TRAF3IP1: variants seen among roughly 807,000 people sequenced by gnomAD.
TRAF3IP1 encodes the protein TRAF3-interacting protein 1.
A neutral mutation model predicts 89.9 loss-of-function variants in TRAF3IP1; 53 were observed. That is an observed-to-expected ratio of 0.59 (90% CI 0.47 to 0.74). The LOEUF is 0.74. Ranked by LOEUF, TRAF3IP1 falls within the 30% of genes least tolerant of loss-of-function variation. The probability of loss-of-function intolerance (pLI) is 0.00; values close to 1 mark genes in which losing one functional copy is unlikely to be tolerated. For missense variants in TRAF3IP1, 806 were observed against 866.1 expected (o/e 0.93, Z 0.87); for synonymous variants, 311 against 322.1 (o/e 0.97, Z 0.37).
intron 12 of TRAF3IP1, among the ~76,000 whole-genome samples, chr2:238,350,923 C>G (rs1310375853): frequency 6.6e-6 from 1 of 152,026 alleles, no homozygotes; most frequent in Middle Eastern, 3.4e-3. Flanking sequence ...GGAAGCGCCA[C>G]GGTCATGACC....
intron 15 of TRAF3IP1, among the ~76,000 whole-genome samples, chr2:238,375,858 T>A (rs1700293757): frequency 6.6e-6 from 1 of 152,250 alleles, no homozygotes; most frequent in Non-Finnish European, 1.5e-5. Context: ...ATGTACATGC[T>A]TAATCCACCT....
chr2:238,384,867 C>G (rs1041251061), intron 15 of TRAF3IP1, among the ~76,000 whole-genome samples: 1 of 152,108 alleles, frequency 6.6e-6, no homozygotes, highest in East Asian at 1.9e-4. Context: ...AGGATCGAAA[C>G]TCTGTTTCCT....
At chr2:238,362,716 T>G (rs1699714581) in intron 15 of TRAF3IP1, among the ~76,000 whole-genome samples, 1 of 152,252 alleles carries the variant, frequency 6.6e-6, no homozygotes, top group Admixed American at 6.5e-5. Flanking sequence ...TAGCCAGAAA[T>G]CAGGAATTCC....
At chr2:238,380,588 G>A (rs907181231) in intron 15 of TRAF3IP1, among the ~76,000 whole-genome samples, 55 of 152,262 alleles carry the variant, frequency 3.6e-4, no homozygotes, top group African/African-American at 1.3e-3. Context: ...GGATGGACTT[G>A]GAGGCTTGTT....
At chr2:238,337,541 T>C (rs377471862) in intron 7 of TRAF3IP1, among the ~76,000 whole-genome samples, 90 of 152,336 alleles carry the variant, frequency 5.9e-4, no homozygotes, top group African/African-American at 2.1e-3. Flanking sequence ...GGCCTCCTTT[T>C]AAAACTGTGG....
chr2:238,340,220 A>C (rs1241265124), intron 8 of TRAF3IP1, among the ~76,000 whole-genome samples: 1 of 152,114 alleles, frequency 6.6e-6, no homozygotes, highest in Non-Finnish European at 1.5e-5. Context: ...GTTACCTTGC[A>C]CTGGTCATGG....
chr2:238,328,185 C>G (rs1697932045), intron 3 of TRAF3IP1, among the ~76,000 whole-genome samples: 1 of 152,190 alleles, frequency 6.6e-6, no homozygotes, highest in Non-Finnish European at 1.5e-5. Flanking sequence ...ATGGCTGCAT[C>G]ATTTTACATT....
At chr2:238,336,936 G>A (rs1225058938) in intron 7 of TRAF3IP1, among the ~76,000 whole-genome samples, 2 of 151,858 alleles carry the variant, frequency 1.3e-5, no homozygotes, top group Non-Finnish European at 2.9e-5. Context: ...GCTTCTGCTT[G>A]GTCATTGAAC....
intron 14 of TRAF3IP1, among the ~76,000 whole-genome samples, chr2:238,355,516 C>T (rs1027713946): frequency 6.6e-6 from 1 of 152,230 alleles, no homozygotes; most frequent in Non-Finnish European, 1.5e-5. Context: ...GACGTACCCT[C>T]GTTTATTCAG....
chr2:238,344,811 C>T (rs563834300), intron 9 of TRAF3IP1: 28 of 662,966 alleles, frequency 4.2e-5, no homozygotes, highest in African/African-American at 7.1e-5. Flanking sequence ...TGTGCTCCCC[C>T]GTGCTCTGTA....
chr2:238,396,986 G>GC (rs1414967391), intron 15 of TRAF3IP1, among the ~76,000 whole-genome samples: 1 of 152,120 alleles, frequency 6.6e-6, no homozygotes, highest in Non-Finnish European at 1.5e-5. Context: ...CTTTCCCCTT[G>GC]CCCCCTGGCA....
rs141601506 is a variant in TRAF3IP1, at chr2:238,390,006, G to A, written c.1690-7453G>A. On this transcript the variant is annotated intron_variant, in intron 15 of 16. Transcript: ENST00000373327. ...TGGAAGCATTTTCTGAAAAGTGTGTGCGCACGTGAGCACATGAAGTGGCCC... is the reference window on the plus strand; with the variant it reads ...TGGAAGCATTTTCTGAAAAGTGTGTACGCACGTGAGCACATGAAGTGGCCC... 2.1e-3 allele frequency among the ~76,000 whole-genome samples: 316 copies of A among 152,282 alleles called. 1 individual carries two copies. The highest frequency in any genetic ancestry group is 7.2e-3 in the African/African-American group (298 of 41,544).
At chr2:238,383,163 C>G (rs1700619626) in intron 15 of TRAF3IP1, among the ~76,000 whole-genome samples, 1 of 152,154 alleles carries the variant, frequency 6.6e-6, no homozygotes. Context: ...CACTATAGGC[C>G]CACCTGCTGT....
Position 238,332,804 on chromosome 2 carries a change from A to ATTT in TRAF3IP1, c.916-8_916-6dup. On this transcript the variant is annotated intron_variant, in intron 5 of 16. Coordinates refer to ENST00000373327, the MANE Select transcript of TRAF3IP1 (RefSeq NM_015650.4). ...GGATTGGAATAATTCTAAAGTTTGA[A>ATTT]TTTTTTTTTTTTTTAATAGTCAGCA... The ATTT allele has an allele frequency of 4.9e-6, 6 of 1,220,366 alleles. No individual in the cohort carries two copies. The highest frequency in any genetic ancestry group is 1.4e-5 in the South Asian group (1 of 70,596). The allele number at this position is 1,220,366 out of a possible 1,614,324, so 75.6% of individuals were successfully genotyped here.
intron 2 of TRAF3IP1, 107 bp downstream of exon 2, chr2:238,325,481 A>C: frequency 8.6e-7 from 1 of 1,165,624 alleles, no homozygotes; most frequent in Non-Finnish European, 1.3e-6. Context: ...ATGTGGTTGG[A>C]ATACAAGGTC....
Position 238,329,313 on chromosome 2 carries a change from A to G in TRAF3IP1, c.886A>G (p.Asn296Asp), listed in dbSNP as rs757139056. ...CTCCTGGGACCTGGACAGGGAGAAG[A>G]ACAGAGAGCATGACAAACCTGAGAA... Reference protein sequence around the residue: ...EHSWDLDREKNREHDKPEKKS... With the variant: ...EHSWDLDREKDREHDKPEKKS... Residue 296 changes from asparagine to aspartate, a missense_variant, in exon 5 of 17, where the codon AAC becomes GAC. By Grantham distance (23) the Asn-to-Asp change is conservative. Coordinates refer to ENST00000373327, the MANE Select transcript of TRAF3IP1 (RefSeq NM_015650.4). 6 of 1,406,554 alleles carry G rather than the reference A, an allele frequency of 4.3e-6. No individual in the cohort carries two copies. In the South Asian group the frequency reaches 8.1e-5, roughly 19 times the overall value. The allele number at this position is 1,406,554 out of a possible 1,614,324, so 87.1% of individuals were successfully genotyped here.
At chr2:238,330,821 T>C (rs1409027518) in intron 5 of TRAF3IP1, among the ~76,000 whole-genome samples, 3 of 151,960 alleles carry the variant, frequency 2.0e-5, no homozygotes, top group Non-Finnish European at 4.4e-5. Context: ...TTTGGAGTTT[T>C]ACTATTTAAA....
intron 5 of TRAF3IP1, among the ~76,000 whole-genome samples, chr2:238,331,474 C>T (rs774884429): frequency 1.3e-5 from 2 of 152,150 alleles, no homozygotes; most frequent in Non-Finnish European, 2.9e-5. Flanking sequence ...GAGACTCCGT[C>T]TCAAACAACA....
rs1247267370 is a variant in TRAF3IP1 at position 238,351,864 on chromosome 2, T to TGCGC, written c.1452-962_1452-961insCGCG. ...GTGTGTGTGTGTGTGTGTGTGTGTG[T>TGCGC]GTGCGCGCGCGCGCGTGTGCGTGCA... On this transcript the variant is annotated intron_variant, in intron 12 of 16. Coordinates refer to ENST00000373327, the MANE Select transcript of TRAF3IP1 (RefSeq NM_015650.4). The surrounding 1 kb of genome is among the most constrained non-coding windows in gnomAD (Gnocchi z 5.2). 5.5e-4 allele frequency among the ~76,000 whole-genome samples: 62 copies of TGCGC among 112,256 alleles called. No homozygotes were observed. The highest frequency in any genetic ancestry group is 6.3e-4 in the Non-Finnish European group (36 of 56,726). 73.6% of individuals were successfully genotyped at this position (112,256 alleles called of 152,430 possible).
Sources: gnomAD v4.1 joint callset for allele counts (sites outside exome capture counted in the v4.1 genomes callset) on GRCh38, gnomAD v4.1.1 for gene constraint, Gnocchi (gnomAD v3.1) non-coding constraint, MANE v1.5 for transcripts, NCBI Gene and HGNC (gene_info 2026-07-23, HGNC 2026-07-21) for gene names.